RNMT: variants seen among roughly 807,000 people sequenced by gnomAD.
RNMT encodes the protein RNA guanine-7 methyltransferase, also known as mRNA cap guanine-N(7) methyltransferase.
Under a neutral mutation model 56.0 loss-of-function variants are expected in RNMT, and 27 were observed. That is an observed-to-expected ratio of 0.48 (90% CI 0.36 to 0.67). The LOEUF (loss-of-function observed/expected upper bound fraction) is 0.67, where lower values mean the gene tolerates loss of function less well. RNMT is among the 30% of genes least tolerant of loss of function. The pLI is 0.00. For synonymous variants in RNMT, 184 were observed against 176.2 expected (o/e 1.04, Z -0.35); for missense variants, 519 against 552.1 (o/e 0.94, Z 0.60).
intron 4 of RNMT, among the ~76,000 whole-genome samples, chr18:13,735,417 C>G (rs1289892557): frequency 6.6e-6 from 1 of 151,778 alleles, no homozygotes; most frequent in Admixed American, 6.6e-5. Context: ...TTTTGTATAT[C>G]ACTTGTTTTT....
chr18:13,731,796 A>T lies in RNMT; in HGVS notation c.279A>T (p.Lys93Asn). The change falls in exon 3 of 12, where the codon AAA becomes AAT. Residue 93 changes from lysine to asparagine, a missense_variant. Coordinates refer to ENST00000383314, the MANE Select transcript of RNMT (RefSeq NM_003799.3). Reference protein sequence around the residue: ...KLDPEIVPEEKDCGDAEGNSK... With the variant: ...KLDPEIVPEENDCGDAEGNSK... The stretch of plus-strand genomic sequence containing the variant: ...ATCCTGAAATTGTCCCAGAGGAAAA[A>T]GATTGTGGTGATGCTGAAGGCAATT... 6.2e-7 allele frequency: 1 copy of T among 1,613,688 alleles called. No individual in the cohort carries two copies. Among genetic ancestry groups the T allele is most frequent in the Non-Finnish European group, 8.5e-7 (1 of 1,179,968 alleles).
chr18:13,734,904 T>C (rs1287023980), intron 4 of RNMT, among the ~76,000 whole-genome samples: 1 of 152,202 alleles, frequency 6.6e-6, no homozygotes, highest in African/African-American at 2.4e-5. Context: ...TTTCATTAAG[T>C]CAAGAAATAG....
At chr18:13,754,192 C>T in intron 11 of RNMT, 45 bp downstream of exon 11, 1 of 1,350,466 alleles carries the variant, frequency 7.4e-7, no homozygotes, top group South Asian at 1.2e-5. Context: ...TTCAAAAGTC[C>T]TGTTTCAAAG....
intron 9 of RNMT, among the ~76,000 whole-genome samples, chr18:13,750,345 T>G (rs2044420156): frequency 6.6e-6 from 1 of 152,226 alleles, no homozygotes; most frequent in South Asian, 2.1e-4. Flanking sequence ...GCCATCATTT[T>G]AATATTTAGC....
intron 11 of RNMT, among the ~76,000 whole-genome samples, chr18:13,759,052 C>T (rs1319380000): frequency 6.6e-6 from 1 of 152,002 alleles, no homozygotes; most frequent in Non-Finnish European, 1.5e-5. Flanking sequence ...GTTTGTGGCA[C>T]CTCAAAACAA....
chr18:13,729,912 A>G (rs2062247622), intron 1 of RNMT, among the ~76,000 whole-genome samples: 1 of 151,686 alleles, frequency 6.6e-6, no homozygotes, highest in African/African-American at 2.4e-5. Flanking sequence ...TGATCCTCCT[A>G]CTTCAGCCTG....
chr18:13,754,415 G>A (rs2044509022), intron 11 of RNMT, among the ~76,000 whole-genome samples: 1 of 152,148 alleles, frequency 6.6e-6, no homozygotes, highest in African/African-American at 2.4e-5. Flanking sequence ...GCTGAGGTGG[G>A]AGGATTCCTT....
At chr18:13,739,062 C>G (rs1403843309) in intron 5 of RNMT, among the ~76,000 whole-genome samples, 3 of 152,202 alleles carry the variant, frequency 2.0e-5, no homozygotes, top group South Asian at 4.2e-4. Flanking sequence ...GACAGGTTCA[C>G]TTTGTTCATT....
chr18:13,739,970 G>T (rs187950551), intron 5 of RNMT, among the ~76,000 whole-genome samples, 197 bp from the exon 6 acceptor site: 4 of 152,018 alleles, frequency 2.6e-5, no homozygotes, highest in Admixed American at 2.0e-4. Flanking sequence ...CGTACCTATT[G>T]AGACGCTTTT....
chr18:13,754,797 A>G (rs1349201166), intron 11 of RNMT, among the ~76,000 whole-genome samples: 1 of 152,122 alleles, frequency 6.6e-6, no homozygotes, highest in Non-Finnish European at 1.5e-5. Context: ...TCTTTTTTTT[A>G]TTTGGCCACT....
intron 11 of RNMT, among the ~76,000 whole-genome samples, chr18:13,758,074 C>T (rs2044572117): frequency 6.6e-6 from 1 of 152,106 alleles, no homozygotes; most frequent in South Asian, 2.1e-4. Flanking sequence ...AACAGTGGGC[C>T]TAAAATACTC....
chr18:13,733,341 A>G (rs1390328879), intron 3 of RNMT, among the ~76,000 whole-genome samples: 2 of 152,176 alleles, frequency 1.3e-5, no homozygotes, highest in African/African-American at 2.4e-5. Flanking sequence ...TAGCATTATT[A>G]TAATAGAAAT....
At chr18:13,735,918 T>G (rs1468913224) in intron 4 of RNMT, among the ~76,000 whole-genome samples, 5 of 152,312 alleles carry the variant, frequency 3.3e-5, no homozygotes, top group Middle Eastern at 6.8e-3. Context: ...TCTGGCTGTT[T>G]CCTTTCTCAA....
Position 13,760,776 on chromosome 18 carries a change from T to C in RNMT, c.*797T>C. 3.0e-6 allele frequency: 3 copies of C among 985,434 alleles called. No homozygotes were observed. The highest frequency in any genetic ancestry group is 3.6e-6 in the Non-Finnish European group (3 of 829,918). The allele number at this position is 985,434 out of a possible 1,614,324, so 61.0% of individuals were successfully genotyped here. A position where few individuals can be genotyped will look rare whatever the true frequency, so the allele number is the denominator to read the frequency against. Reference sequence around the variant, plus strand: ...CCTCCCATGTAGACATGTTGCACATTTTTTCCAAATTTATACATGGAACTG... The same window carrying C: ...CCTCCCATGTAGACATGTTGCACATCTTTTCCAAATTTATACATGGAACTG... On this transcript the variant is annotated 3_prime_UTR_variant, in exon 12 of 12. Transcript: ENST00000383314.
chr18:13,756,695 T>C (rs924008281), intron 11 of RNMT, among the ~76,000 whole-genome samples: 1 of 152,208 alleles, frequency 6.6e-6, no homozygotes, highest in Non-Finnish European at 1.5e-5. Context: ...AAAGTAGTAT[T>C]TTGGAAAAAC....
Position 13,737,005 on chromosome 18 carries a change from T to A in RNMT, c.554-5T>A. 6.2e-7 allele frequency: 1 copy of A among 1,611,692 alleles called. No individual in the cohort carries two copies. Among genetic ancestry groups the A allele is most frequent in the Non-Finnish European group, 8.5e-7 (1 of 1,178,828 alleles). On this transcript the variant is annotated splice_polypyrimidine_tract_variant and splice_region_variant and intron_variant, in intron 4 of 11. Transcript: ENST00000383314. ...AGTTTATTGTGACTGATTTCTCTCTTTTAGGAGAATTTTTGGAAAAGGTAC... is the reference window on the plus strand; with the variant it reads ...AGTTTATTGTGACTGATTTCTCTCTATTAGGAGAATTTTTGGAAAAGGTAC...
chr18:13,762,856 A>G lies in RNMT; in HGVS notation c.*2877A>G. On this transcript the variant is annotated 3_prime_UTR_variant, in exon 12 of 12. Coordinates refer to ENST00000383314, the MANE Select transcript of RNMT (RefSeq NM_003799.3). ...ATTTGTATTCAAGTACTCTTCAAGT[A>G]TCTTTGTAATGAAGGTTTGGCTACT... is the stretch of plus-strand genomic sequence containing the variant. 3.3e-6 allele frequency: 1 copy of G among 307,230 alleles called. No individual in the cohort carries two copies. 19.0% of individuals were successfully genotyped at this position (307,230 alleles called of 1,614,324 possible).
At chr18:13,727,332 T>C (rs1348929092) in intron 1 of RNMT, among the ~76,000 whole-genome samples, 1 of 152,230 alleles carries the variant, frequency 6.6e-6, no homozygotes, top group Non-Finnish European at 1.5e-5. Flanking sequence ...GTGTGGTTAT[T>C]TATCGCGTGT....
chr18:13,741,777 C>A (rs905400620), intron 7 of RNMT, 86 bp downstream of exon 7: 5 of 831,810 alleles, frequency 6.0e-6, no homozygotes, highest in Non-Finnish European at 7.3e-6. Context: ...TATTAAAATA[C>A]GCTATTTTAA....
Sources: allele counts gnomAD v4.1 joint callset (sites outside exome capture counted in the v4.1 genomes callset), GRCh38; gene constraint gnomAD v4.1.1; transcripts MANE v1.5; gene names NCBI Gene and HGNC (gene_info 2026-07-23, HGNC 2026-07-21).